The following SLC14A2 variants were observed in gnomAD, a reference collection of about 807,000 sequenced individuals.
SLC14A2 encodes solute carrier family 14 member 2.
SLC14A2 carries 91 observed loss-of-function variants against 104.6 expected under a neutral mutation model. That is an observed-to-expected ratio of 0.87 (90% CI 0.73 to 1.04). SLC14A2 has a LOEUF of 1.04. Among genes scored for constraint, SLC14A2 ranks in the 50% least tolerant of loss-of-function variants. The probability of loss-of-function intolerance (pLI) is 0.00; values close to 1 mark genes in which losing one functional copy is unlikely to be tolerated. For synonymous variants in SLC14A2, 476 were observed against 466.4 expected, an observed-to-expected ratio of 1.02 and a Z score of -0.27; for missense variants, 1,189 against 1,156.0, an observed-to-expected ratio of 1.03 and a Z score of -0.41.
chr18:45,198,132 G>A, the SLC14A2 span, among the ~76,000 whole-genome samples: 1 of 152,046 alleles, frequency 6.6e-6, no homozygotes, highest in African/African-American at 2.4e-5. Flanking sequence ...TGGGTGCTTT[G>A]GAGTTAATGA....
chr18:45,237,094 C>A (rs191729483), intron 1 of SLC14A2, among the ~76,000 whole-genome samples: 300 of 152,244 alleles, frequency 2.0e-3, no homozygotes, highest in African/African-American at 7.1e-3. Context: ...GACACCAGCT[C>A]AGCCATAGAA....
chr18:45,208,665 AAG>A (rs2083935385), upstream of SLC14A2, among the ~76,000 whole-genome samples: 1 of 152,128 alleles, frequency 6.6e-6, no homozygotes, highest in Non-Finnish European at 1.5e-5. Flanking sequence ...TAGAGAAAGA[AAG>A]AGACTGAAAT....
At chr18:45,232,938 A>C (rs970015849) in intron 1 of SLC14A2, among the ~76,000 whole-genome samples, 8 of 152,198 alleles carry the variant, frequency 5.3e-5, no homozygotes, top group Non-Finnish European at 1.0e-4. Context: ...CCATGAGACG[A>C]GAAGGTATAG....
At chr18:45,196,415 T>C in the SLC14A2 span, among the ~76,000 whole-genome samples, 7 of 152,200 alleles carry the variant, frequency 4.6e-5, no homozygotes, top group African/African-American at 1.4e-4. Flanking sequence ...TTGAAGCTGC[T>C]CAGCTAAAGG....
At chr18:45,414,571 C>A (rs1377249211) in intron 1 of SLC14A2, among the ~76,000 whole-genome samples, 1 of 150,810 alleles carries the variant, frequency 6.6e-6, no homozygotes, top group Admixed American at 6.6e-5. Context: ...CAAAACTGAA[C>A]ATTCTGCACA....
chr18:45,315,610 C>T (rs1415944149), intron 1 of SLC14A2, among the ~76,000 whole-genome samples: 1 of 152,126 alleles, frequency 6.6e-6, no homozygotes, highest in African/African-American at 2.4e-5. Flanking sequence ...CCCATCCCAT[C>T]CCATGGCCCA....
intron 1 of SLC14A2, among the ~76,000 whole-genome samples, chr18:45,301,406 A>T (rs2084967504): frequency 6.6e-6 from 1 of 152,226 alleles, no homozygotes; most frequent in Non-Finnish European, 1.5e-5. Context: ...TTAGACTTTC[A>T]GAGGCAGCAG....
intron 2 of SLC14A2, among the ~76,000 whole-genome samples, chr18:45,625,444 G>A (rs1658993839): frequency 6.6e-6 from 1 of 152,150 alleles, no homozygotes; most frequent in South Asian, 2.1e-4. Context: ...TCATTAAACT[G>A]CCAAAAGAGA....
chr18:45,575,229 G>C (rs771701034), intron 2 of SLC14A2, among the ~76,000 whole-genome samples: 1 of 152,136 alleles, frequency 6.6e-6, no homozygotes, highest in Admixed American at 6.5e-5. Flanking sequence ...TTCAGTCCCT[G>C]AGCTACAGTG....
At chr18:45,402,875 T>C (rs2086111542) in intron 1 of SLC14A2, among the ~76,000 whole-genome samples, 1 of 152,144 alleles carries the variant, frequency 6.6e-6, no homozygotes, top group African/African-American at 2.4e-5. Flanking sequence ...TTTCAGAGAG[T>C]GGTGACTAAA....
intron 1 of SLC14A2, among the ~76,000 whole-genome samples, chr18:45,331,316 T>G (rs12457237): frequency 0.18 from 27,064 of 152,194 alleles, 2,560 homozygotes; most frequent in African/African-American, 0.22. Flanking sequence ...ACAAGCAGCA[T>G]GGAGCTGCTC....
chr18:45,494,900 T>TCACACACACACATACA (rs2043064553), intron 2 of SLC14A2, among the ~76,000 whole-genome samples: 1 of 96,478 alleles, frequency 1.0e-5, no homozygotes, highest in South Asian at 4.4e-4. Flanking sequence ...AATCGGGTCA[T>TCACACACACACATACA]CACACACACA....
At chr18:45,632,823 A>G (rs1172971543) in intron 5 of SLC14A2, among the ~76,000 whole-genome samples, 5 of 151,972 alleles carry the variant, frequency 3.3e-5, no homozygotes, top group African/African-American at 4.8e-5. Context: ...GACTACAGGC[A>G]CCCGCCACCA....
chr18:45,548,466 G>A (rs866448099), intron 2 of SLC14A2, among the ~76,000 whole-genome samples: 62 of 152,334 alleles, frequency 4.1e-4, no homozygotes, highest in African/African-American at 1.4e-3. Flanking sequence ...CACTTTGGGA[G>A]GCTGAAGCAG....
At chr18:45,407,738 G>T (rs2086172007) in intron 1 of SLC14A2, among the ~76,000 whole-genome samples, 1 of 152,108 alleles carries the variant, frequency 6.6e-6, no homozygotes, top group African/African-American at 2.4e-5. Flanking sequence ...GTATCTCAGG[G>T]ATTAAGGAGG....
rs368430023 is a variant in SLC14A2 at position 45,564,294 on chromosome 18, C to A, written c.-34-60337C>A. 4.6e-5 allele frequency among the ~76,000 whole-genome samples: 7 copies of A among 152,304 alleles called. 1 individual carries two copies. The East Asian group carries it at 1.2e-3, about 25-fold the overall frequency. On this transcript the variant is annotated intron_variant, in intron 2 of 20. Coordinates refer to the SLC14A2 transcript ENST00000586448. ...ATTGGAGGAATTTCCCGCCAAGTAG[C>A]TTCTGGCTCTGGGCATTTAAAAACT...
chr18:45,622,366 T>C (rs2045185662), intron 1 of SLC14A2, among the ~76,000 whole-genome samples: 1 of 152,170 alleles, frequency 6.6e-6, no homozygotes, highest in Admixed American at 6.5e-5. Flanking sequence ...AGATGACTTT[T>C]CCTAGGTGGT....
chr18:45,523,992 C>T (rs534323965), intron 2 of SLC14A2, among the ~76,000 whole-genome samples: 19 of 152,282 alleles, frequency 1.2e-4, no homozygotes, highest in African/African-American at 4.3e-4. Flanking sequence ...TTGTAAAGTA[C>T]GGAGTTGAAT....
intron 2 of SLC14A2, among the ~76,000 whole-genome samples, chr18:45,583,905 C>T (rs534831512): frequency 1.3e-5 from 2 of 152,282 alleles, no homozygotes; most frequent in South Asian, 2.1e-4. Flanking sequence ...CCATTGCATG[C>T]AAGCCATATG....
Sources: gnomAD v4.1 joint callset for allele counts (sites outside exome capture counted in the v4.1 genomes callset) on GRCh38, gnomAD v4.1.1 for gene constraint, MANE v1.5 for transcripts, NCBI Gene and HGNC (gene_info 2026-07-23, HGNC 2026-07-21) for gene names.